Variants in IL1A observed in about 807,000 individuals in gnomAD.
IL1A encodes interleukin 1 alpha.
IL1A carries 16 observed loss-of-function variants against 22.2 expected under a neutral mutation model. That is an observed-to-expected ratio of 0.72 (90% CI 0.49 to 1.09). The LOEUF is 1.09. Among genes scored for constraint, IL1A ranks in the 50% least tolerant of loss-of-function variants. IL1A has a pLI of 0.00. For synonymous variants in IL1A, 113 were observed against 118.5 expected (o/e 0.95, Z 0.30); for missense variants, 317 against 321.8 (o/e 0.99, Z 0.11).
chr2:112,781,973 C>A (rs1267676022), intron 3 of IL1A, 147 bp from the exon 4 acceptor site: 38 of 616,690 alleles, frequency 6.2e-5, no homozygotes, highest in Non-Finnish European at 1.1e-4. Context: ...TTCCCTCCCT[C>A]TCTCCCTTTT....
At position 112,782,736 on chromosome 2, in the gene IL1A, C is replaced by G. The variant is rs1162218959; in HGVS notation, c.76G>C (p.Asp26His). The change falls in exon 3 of 7, where the codon GAT (aspartate) becomes CAT (histidine). Residue 26 changes from aspartate to histidine, a missense_variant. Transcript: ENST00000263339. Reference sequence around the variant, plus strand: ...CTTACCTGATTCAGAGACAGATGATCAATGGAGGAACTGTCTTCTTCATTT... The same window carrying G: ...CTTACCTGATTCAGAGACAGATGATGAATGGAGGAACTGTCTTCTTCATTT... Reference protein sequence around the residue: ...SENEEDSSSIDHLSLNQKSFY... With the variant: ...SENEEDSSSIHHLSLNQKSFY... 1 of 1,608,390 alleles carries G rather than the reference C, an allele frequency of 6.2e-7. No homozygotes were observed. Among genetic ancestry groups the G allele is most frequent in the Admixed American group, 1.7e-5 (1 of 59,922 alleles).
At chr2:112,782,567 G>T in intron 3 of IL1A, 149 bp downstream of exon 3, 2 of 620,922 alleles carry the variant, frequency 3.2e-6, no homozygotes, top group East Asian at 2.8e-5. Flanking sequence ...AGAGGCAGCT[G>T]GTCTCACTTA....
In IL1A at chr2:112,781,497, G is replaced by A. The variant is rs1342049028; in HGVS notation, c.319+107C>T. On this transcript the variant is annotated intron_variant, in intron 4 of 6. Coordinates refer to ENST00000263339, the MANE Select transcript of IL1A (RefSeq NM_000575.5). ...TGTATAGTTACCAGACTAATGCTTG[G>A]TTGTCTTCTTGTTATTCTGACTCCA... is the stretch of plus-strand genomic sequence containing the variant. The A allele has an allele frequency of 9.1e-6, 8 of 879,912 alleles. No individual in the cohort carries two copies. In the East Asian group the frequency reaches 1.9e-4, roughly 21 times the overall value. 54.5% of individuals were successfully genotyped at this position (879,912 alleles called of 1,614,324 possible). A position where few individuals can be genotyped will look rare whatever the true frequency, so the allele number is the denominator to read the frequency against.
Position 112,779,620 on chromosome 2 carries a change from C to T in IL1A, c.366G>A (p.Val122=). 6.2e-7 allele frequency: 1 copy of T among 1,612,438 alleles called. No individual in the cohort carries two copies. Among genetic ancestry groups the T allele is most frequent in the Non-Finnish European group, 8.5e-7 (1 of 1,178,646 alleles). ...TGATGATCCTCATAAAGTTGTATTT[C>T]ACATTGCTCAGGAAGCTAAAAGGTG... ...RSAPFSFLSN[V]KYNFMRIIKY... is the part of the protein sequence containing the mutation. The change falls in exon 5 of 7, where the codon GTG becomes GTA. Residue 122 remains valine, a synonymous_variant. Coordinates refer to ENST00000263339, the MANE Select transcript of IL1A (RefSeq NM_000575.5).
At chr2:112,783,421 A>G (rs1681248452) in intron 2 of IL1A, among the ~76,000 whole-genome samples, 1 of 152,200 alleles carries the variant, frequency 6.6e-6, no homozygotes, top group South Asian at 2.1e-4. Flanking sequence ...CCATTCTTAT[A>G]TCAGGGCATG....
At position 112,774,988 on chromosome 2, in the gene IL1A, T is replaced by C; in HGVS notation, c.*79A>G. 1.8e-6 allele frequency: 2 copies of C among 1,108,806 alleles called. No homozygotes were observed. The highest frequency in any genetic ancestry group is 1.8e-5 in the Admixed American group (1 of 54,060). 68.7% of individuals were successfully genotyped at this position (1,108,806 alleles called of 1,614,324 possible). A position where few individuals can be genotyped will look rare whatever the true frequency, so the allele number is the denominator to read the frequency against. ...TACATGCTCAGCAAATGACTAACAG[T>C]AAAGGATTTAGCTTCTTCATGTACA... On this transcript the variant is annotated 3_prime_UTR_variant, in exon 7 of 7. Transcript: ENST00000263339.
At chr2:112,778,757 C>T (rs1383495759) in intron 5 of IL1A, among the ~76,000 whole-genome samples, 2 of 152,210 alleles carry the variant, frequency 1.3e-5, no homozygotes, top group Admixed American at 6.5e-5. Flanking sequence ...AATACATACA[C>T]GATGTCAATA....
At chr2:112,780,735 GTAA>G (rs1681181449) in intron 4 of IL1A, among the ~76,000 whole-genome samples, 1 of 77,328 alleles carries the variant, frequency 1.3e-5, no homozygotes, top group African/African-American at 6.3e-5. Flanking sequence ...AGTAGTAGTA[GTAA>G]TAATAATAAT....
chr2:112,779,306 AT>A (rs1339071148), intron 5 of IL1A, among the ~76,000 whole-genome samples, 189 bp downstream of exon 5: 2 of 152,166 alleles, frequency 1.3e-5, no homozygotes, highest in Non-Finnish European at 1.5e-5. Context: ...GAACTTCCAG[AT>A]TTAGTTGAAC....
Position 112,774,243 on chromosome 2 carries a change from C to T in IL1A, c.*824G>A, listed in dbSNP as rs1681057022. On this transcript the variant is annotated 3_prime_UTR_variant, in exon 7 of 7. Coordinates refer to ENST00000263339, the MANE Select transcript of IL1A (RefSeq NM_000575.5). ...ACATTTATTATATGATTACAGGTCTCCCAAGTACTAGAATGCAGAGTTTCC... is the reference window on the plus strand; with the variant it reads ...ACATTTATTATATGATTACAGGTCTTCCAAGTACTAGAATGCAGAGTTTCC... 6.6e-6 allele frequency: 1 copy of T among 152,002 alleles called. No homozygotes were observed. The highest frequency in any genetic ancestry group is 2.1e-4 in the South Asian group (1 of 4,824). 9.4% of individuals were successfully genotyped at this position (152,002 alleles called of 1,614,324 possible).
At chr2:112,775,705 T>G (rs1230621936) in intron 6 of IL1A, among the ~76,000 whole-genome samples, 1 of 152,154 alleles carries the variant, frequency 6.6e-6, no homozygotes, top group Admixed American at 6.5e-5. Flanking sequence ...ATTTAGCATT[T>G]AGATGACATT....
At chr2:112,784,296 G>T (rs1681263713) in intron 1 of IL1A, 147 bp downstream of exon 1, 1 of 152,934 alleles carries the variant, frequency 6.5e-6, no homozygotes, top group African/African-American at 2.4e-5. Context: ...AAATCTGACT[G>T]TAATTCTAGG....
At chr2:112,778,353 T>C (rs1681137668) in intron 5 of IL1A, among the ~76,000 whole-genome samples, 1 of 152,304 alleles carries the variant, frequency 6.6e-6, no homozygotes, top group South Asian at 2.1e-4. Flanking sequence ...GTTAATGTTC[T>C]TAGAATTTTC....
rs1161330251 is a variant in IL1A at position 112,774,801 on chromosome 2, G to A, written c.*266C>T. The A allele has an allele frequency of 1.6e-5, 5 of 318,952 alleles. No homozygotes were observed. The highest frequency in any genetic ancestry group is 8.3e-5 in the African/African-American group (4 of 48,052). The allele number at this position is 318,952 out of a possible 1,614,324, so 19.8% of individuals were successfully genotyped here. ...GGGTAGAGTCTTTTTGGTAGCCATA[G>A]TCAGTAGCTCTGGTCCTCCTAAAAT... On this transcript the variant is annotated 3_prime_UTR_variant, in exon 7 of 7. Coordinates refer to ENST00000263339, the MANE Select transcript of IL1A (RefSeq NM_000575.5).
chr2:112,781,634 G>T lies in IL1A; in HGVS notation c.289C>A (p.Leu97Met). The T allele has an allele frequency of 1.2e-6, 2 of 1,614,128 alleles. No homozygotes were observed. Among genetic ancestry groups the T allele is most frequent in the Non-Finnish European group, 1.7e-6 (2 of 1,180,002 alleles). Residue 97 changes from leucine to methionine, a missense_variant, in exon 4 of 7, where the codon CTG becomes ATG. Physicochemically the swap from Leu to Met is conservative, Grantham distance 15 (BLOSUM62 2). Transcript: ENST00000263339. ...SLSQSITDDD[L>M]EAIANDSEEE... ...TCTGAGTCATTGGCGATGGCCTCCA[G>T]GTCATCATCAGTGATGGATTGGCTT...
At chr2:112,780,723 G>C (rs1681180965) in intron 4 of IL1A, among the ~76,000 whole-genome samples, 1 of 81,862 alleles carries the variant, frequency 1.2e-5, no homozygotes, top group African/African-American at 5.9e-5. Flanking sequence ...ATTCATATAG[G>C]TAGTAGTAGT....
At chr2:112,780,488 A>G (rs2104908984) in intron 4 of IL1A, among the ~76,000 whole-genome samples, 1 of 152,342 alleles carries the variant, frequency 6.6e-6, no homozygotes, top group Non-Finnish European at 1.5e-5. Flanking sequence ...TTGGGTTTAT[A>G]GTTCATGTGG....
At chr2:112,779,786 T>C in intron 4 of IL1A, 120 bp from the exon 5 acceptor site, 9 of 572,264 alleles carry the variant, frequency 1.6e-5, no homozygotes, top group Non-Finnish European at 2.5e-5. Flanking sequence ...CCAATCCAGA[T>C]GAGGAAGCAA....
Position 112,774,830 on chromosome 2 carries a change from T to C in IL1A, c.*237A>G, listed in dbSNP as rs926469886. Reference sequence around the variant, plus strand: ...GTAGCTCTGGTCCTCCTAAAATTGTTATGAAGAATAATAATTAAAATGATT... The same window carrying C: ...GTAGCTCTGGTCCTCCTAAAATTGTCATGAAGAATAATAATTAAAATGATT... On this transcript the variant is annotated 3_prime_UTR_variant, in exon 7 of 7. Coordinates refer to ENST00000263339, the MANE Select transcript of IL1A (RefSeq NM_000575.5). 2.2e-5 allele frequency: 9 copies of C among 411,658 alleles called. No homozygotes were observed. The highest frequency in any genetic ancestry group is 3.1e-5 in the Non-Finnish European group (7 of 224,570). 25.5% of individuals were successfully genotyped at this position (411,658 alleles called of 1,614,324 possible).
Sources: gnomAD v4.1 joint callset for allele counts (sites outside exome capture counted in the v4.1 genomes callset) on GRCh38, gnomAD v4.1.1 for gene constraint, MANE v1.5 for transcripts, NCBI Gene and HGNC (gene_info 2026-07-23, HGNC 2026-07-21) for gene names.